The following ADGRL1 variants were observed in gnomAD, a reference collection of about 807,000 sequenced individuals.
ADGRL1 encodes CIRL-1.
In ADGRL1, 31 loss-of-function variants were observed where a neutral mutation model predicts 148.9. That is an observed-to-expected ratio of 0.21 (90% CI 0.16 to 0.28). The LOEUF (loss-of-function observed/expected upper bound fraction) is 0.28. Among genes scored for constraint, ADGRL1 ranks in the 10% least tolerant of loss-of-function variants. The pLI, the probability that ADGRL1 is intolerant of heterozygous loss-of-function variation, is 1.00. For missense variants in ADGRL1, 1,521 were observed against 2,058.8 expected (o/e 0.74, Z 5.05); for synonymous variants, 937 against 900.3 (o/e 1.04, Z -0.73).
chr19:14,168,535 T>C (rs899052364), intron 4 of ADGRL1, among the ~76,000 whole-genome samples: 18 of 152,142 alleles, frequency 1.2e-4, no homozygotes, highest in African/African-American at 4.3e-4. Context: ...TCCTGCCCTC[T>C]GTCCCTGGAG....
intron 3 of ADGRL1, among the ~76,000 whole-genome samples, chr19:14,173,927 G>T (rs1443428361): frequency 1.5e-5 from 2 of 129,614 alleles, no homozygotes; most frequent in Non-Finnish European, 3.1e-5. Flanking sequence ...GCCTGGGGGA[G>T]AGCAAGACTC....
chr19:14,157,858 G>A lies in ADGRL1; in HGVS notation c.2535+24C>T. On this transcript the variant is annotated intron_variant, in intron 13 of 22. Transcript: ENST00000361434. This position sits in a 1 kb window ranked among gnomAD's most constrained non-coding sequence, Gnocchi z 7.5. ...AGGCCAGCAATCGGGCCTGCCTGGAGGAGCAGAGCACCAGCCAGCTTACGA... is the reference window on the plus strand; with the variant it reads ...AGGCCAGCAATCGGGCCTGCCTGGAAGAGCAGAGCACCAGCCAGCTTACGA... 1 of 1,612,260 alleles carries A rather than the reference G, an allele frequency of 6.2e-7. No individual in the cohort carries two copies. The highest frequency in any genetic ancestry group is 1.3e-5 in the African/African-American group (1 of 75,024).
At chr19:14,151,949 C>T (rs956222631) in intron 22 of ADGRL1, among the ~76,000 whole-genome samples, 184 bp downstream of exon 22, 2 of 152,118 alleles carry the variant, frequency 1.3e-5, no homozygotes, top group African/African-American at 4.8e-5. Flanking sequence ...CTTAACAGCC[C>T]AAACTCAATG....
At chr19:14,172,472 G>T (rs1970540576) in intron 3 of ADGRL1, among the ~76,000 whole-genome samples, 1 of 152,062 alleles carries the variant, frequency 6.6e-6, no homozygotes, top group Admixed American at 6.6e-5. Flanking sequence ...GGGTGCAGTG[G>T]CTCACACCTG....
At chr19:14,205,327 G>T (rs1234954721) in intron 1 of ADGRL1, among the ~76,000 whole-genome samples, 3 of 151,908 alleles carry the variant, frequency 2.0e-5, no homozygotes, top group African/African-American at 7.3e-5. Flanking sequence ...GCTTTAACCC[G>T]GCACCACGGA....
At chr19:14,204,684 CAG>C (rs1206158925) in intron 1 of ADGRL1, among the ~76,000 whole-genome samples, 1 of 147,438 alleles carries the variant, frequency 6.8e-6, no homozygotes, top group Non-Finnish European at 1.5e-5. Flanking sequence ...GAGAGAAAGA[CAG>C]AGAGAGATAG....
rs528852952 is a variant in ADGRL1, at chr19:14,156,966, G to A, written c.2925C>T (p.Ile975=). The A allele has an allele frequency of 1.7e-5, 27 of 1,613,322 alleles. No homozygotes were observed. The highest frequency in any genetic ancestry group is 9.9e-5 in the South Asian group (9 of 91,040). ...GYCFPALVVG[I]AAAIDYRSYG... ...AGCTGCGGTAGTCAATGGCAGCCGC[G>A]ATGCCCACCACCAGGGCCGGGAAGC... Residue 975 remains isoleucine, a synonymous_variant, in exon 15 of 23, where the codon ATC becomes ATT. Transcript: ENST00000361434.
chr19:14,176,313 T>C (rs1970822706), intron 3 of ADGRL1, among the ~76,000 whole-genome samples: 1 of 152,112 alleles, frequency 6.6e-6, no homozygotes, highest in Non-Finnish European at 1.5e-5. Context: ...ATCGCACCAC[T>C]GCACTCCAGC....
At position 14,158,304 on chromosome 19, in the gene ADGRL1, A is replaced by AC. The variant is rs774104630; in HGVS notation, c.2364+33dup. On this transcript the variant is annotated intron_variant, in intron 12 of 22. Coordinates refer to ENST00000361434, the MANE Select transcript of ADGRL1 (RefSeq NM_014921.5). ...GCCTGGGAACACAGAGGGTACAGGGACCCCCATGGAGGGAGGGGGACGGCT... is the reference window on the plus strand; with the variant it reads ...GCCTGGGAACACAGAGGGTACAGGGACCCCCCATGGAGGGAGGGGGACGGCT... The AC allele has an allele frequency of 3.8e-6, 6 of 1,572,924 alleles. No individual in the cohort carries two copies. The Admixed American group carries it at 1.0e-4, about 26-fold the overall frequency.
At chr19:14,179,598 T>C (rs966957332) in intron 2 of ADGRL1, among the ~76,000 whole-genome samples, 2 of 151,622 alleles carry the variant, frequency 1.3e-5, no homozygotes, top group African/African-American at 4.9e-5. Context: ...AGACAATCAA[T>C]GTCTGTTGCT....
At chr19:14,197,103 T>C (rs1167987835) in intron 1 of ADGRL1, among the ~76,000 whole-genome samples, 1 of 152,054 alleles carries the variant, frequency 6.6e-6, no homozygotes, top group East Asian at 1.9e-4. Context: ...TGAGATCCTG[T>C]CTCTACAAAA....
Position 14,160,476 on chromosome 19 carries a change from A to G in ADGRL1, c.1614+117T>C. The G allele has an allele frequency of 2.1e-6, 2 of 936,330 alleles. No individual in the cohort carries two copies. The highest frequency in any genetic ancestry group is 1.7e-5 in the South Asian group (1 of 58,326). 58.0% of individuals were successfully genotyped at this position (936,330 alleles called of 1,614,324 possible). A position where few individuals can be genotyped will look rare whatever the true frequency, so the allele number is the denominator to read the frequency against. ...TTGTAGGCCAGGGAGGTGACCCCAC[A>G]GTCCTGCCTTCCAGACCTGCCAGCC... On this transcript the variant is annotated intron_variant, in intron 7 of 22. Transcript: ENST00000361434. The surrounding 1 kb of genome is among the most constrained non-coding windows in gnomAD (Gnocchi z 5.9).
In ADGRL1 at chr19:14,150,868, T is replaced by A. The variant is rs758879279; in HGVS notation, c.*5A>T. ...GGCCACCAGCCCCTGGTCCATGAGG[T>A]GCCCTCAGAGACTGGTGACCAGCTG... On this transcript the variant is annotated 3_prime_UTR_variant, in exon 23 of 23. Coordinates refer to ENST00000361434, the MANE Select transcript of ADGRL1 (RefSeq NM_014921.5). The A allele has an allele frequency of 6.2e-7, 1 of 1,611,162 alleles. No individual in the cohort carries two copies. The highest frequency in any genetic ancestry group is 8.5e-7 in the Non-Finnish European group (1 of 1,179,260).
Position 14,150,665 on chromosome 19 carries a change from G to T in ADGRL1, c.*208C>A. 1.7e-6 allele frequency: 1 copy of T among 593,342 alleles called. No individual in the cohort carries two copies. Among genetic ancestry groups the T allele is most frequent in the Non-Finnish European group, 2.9e-6 (1 of 343,182 alleles). The allele number at this position is 593,342 out of a possible 1,614,324, so 36.8% of individuals were successfully genotyped here. A position where few individuals can be genotyped will look rare whatever the true frequency, so the allele number is the denominator to read the frequency against. On this transcript the variant is annotated 3_prime_UTR_variant, in exon 23 of 23. Coordinates refer to ENST00000361434, the MANE Select transcript of ADGRL1 (RefSeq NM_014921.5). ...TCCCCCAAATAGAGCTGGTGCGTGT[G>T]GCTGGTGGGAAACCCTGTCTGTGAA...
At chr19:14,167,769 C>T (rs760540777) in intron 4 of ADGRL1, among the ~76,000 whole-genome samples, 33 of 117,038 alleles carry the variant, frequency 2.8e-4, no homozygotes, top group African/African-American at 4.1e-4. Context: ...AGAGAGGTGG[C>T]GGGGGTGGGG....
In ADGRL1 at chr19:14,161,408, C is replaced by G; in HGVS notation, c.1414G>C (p.Glu472Gln). Reference sequence around the variant, plus strand: ...ACCTCTCGGGGCTCGCAGAAGAGCTCAGGGGACACGTGTAGATTCGGGGCT... The same window carrying G: ...ACCTCTCGGGGCTCGCAGAAGAGCTGAGGGGACACGTGTAGATTCGGGGCT... Reference protein sequence around the residue: ...PPAPNLHVSPELFCEPREVRR... With the variant: ...PPAPNLHVSPQLFCEPREVRR... Residue 472 changes from glutamate to glutamine, a missense_variant, in exon 6 of 23, where the codon GAG becomes CAG. By Grantham distance (29) the Glu-to-Gln change is conservative (BLOSUM62 2). Around this residue, in one of 8 missense-constraint regions of ADGRL1, gnomAD observed 270 missense variants for 320.4 expected, o/e 0.84. Transcript: ENST00000361434. This position sits in a 1 kb window ranked among gnomAD's most constrained non-coding sequence, Gnocchi z 4.4. The G allele has an allele frequency of 6.4e-7, 1 of 1,564,446 alleles. No individual in the cohort carries two copies. Among genetic ancestry groups the G allele is most frequent in the Non-Finnish European group, 8.6e-7 (1 of 1,158,778 alleles).
Position 14,158,440 on chromosome 19 carries a change from G to T in ADGRL1, c.2262C>A (p.Ala754=), listed in dbSNP as rs751578145. 6.2e-7 allele frequency: 1 copy of T among 1,613,806 alleles called. No homozygotes were observed. The highest frequency in any genetic ancestry group is 1.7e-5 in the Admixed American group (1 of 60,020). Residue 754 remains alanine (A), a synonymous_variant, in exon 12 of 23, where the codon GCC becomes GCA. Coordinates refer to ENST00000361434, the MANE Select transcript of ADGRL1 (RefSeq NM_014921.5). The part of the protein sequence containing the change: ...GEAGPGGPGG[A]SLVVNSQVIA... The stretch of plus-strand genomic sequence containing the variant: ...TGACCTGTGAGTTCACCACTAGAGA[G>T]GCGCCCCCAGGGCCACCCGGGCCTG...
At position 14,152,855 on chromosome 19, in the gene ADGRL1, G is replaced by T; in HGVS notation, c.3352C>A (p.Pro1118Thr). ...TTGAGGGATCCGTGAGTGCCCCCGG[G>T]TGGGGAGCGGATGCAGCAGTAGGAG... ...RHSYCCIRSPPGGTHGSLKTS... is the reference protein window; with the variant it reads ...RHSYCCIRSPTGGTHGSLKTS... The change falls in exon 19 of 23, where the codon CCC (proline) becomes ACC (threonine). Residue 1118 changes from proline to threonine, a missense_variant. Pro to Thr is a conservative substitution (Grantham distance 38). Transcript: ENST00000361434. This position sits in a 1 kb window ranked among gnomAD's most constrained non-coding sequence, Gnocchi z 6.1. 1 of 1,614,128 alleles carries T rather than the reference G, an allele frequency of 6.2e-7. No individual in the cohort carries two copies. Among genetic ancestry groups the T allele is most frequent in the Non-Finnish European group, 8.5e-7 (1 of 1,179,962 alleles).
chr19:14,172,204 C>T (rs1288702949), intron 3 of ADGRL1, among the ~76,000 whole-genome samples: 3 of 151,852 alleles, frequency 2.0e-5, no homozygotes, highest in Non-Finnish European at 4.4e-5. Flanking sequence ...GGTGGATCAC[C>T]TGATGTCAGA....
Sources: gnomAD v4.1 joint callset for allele counts (sites outside exome capture counted in the v4.1 genomes callset) on GRCh38, gnomAD v4.1.1 for gene constraint, gnomAD v4.1.1 regional missense constraint, Gnocchi (gnomAD v3.1) non-coding constraint, MANE v1.5 for transcripts, NCBI Gene and HGNC (gene_info 2026-07-23, HGNC 2026-07-21) for gene names.